Variants in GRIN2C observed in about 807,000 individuals in gnomAD.
The protein encoded by GRIN2C is glutamate receptor ionotropic, NMDA 2C.
Under a neutral mutation model 77.7 loss-of-function variants are expected in GRIN2C, and 64 were observed. That is an observed-to-expected ratio of 0.82 (90% CI 0.67 to 1.01). The LOEUF (loss-of-function observed/expected upper bound fraction) is 1.01. GRIN2C is among the 50% of genes least tolerant of loss of function. The pLI, the probability that GRIN2C is intolerant of heterozygous loss-of-function variation, is 0.00. For synonymous variants in GRIN2C, 792 were observed against 643.4 expected, an observed-to-expected ratio of 1.23 and a Z score of -3.49; for missense variants, 1,549 against 1,486.0, an observed-to-expected ratio of 1.04 and a Z score of -0.70.
chr17:74,859,628 G>C lies in GRIN2C; in HGVS notation c.-16+116C>G, dbSNP rs537889624. The C allele has an allele frequency of 6.6e-6, 1 of 152,200 alleles. No individual in the cohort carries two copies. The highest frequency in any genetic ancestry group is 1.9e-4 in the East Asian group (1 of 5,160). The allele number at this position is 152,200 out of a possible 1,614,324, so 9.4% of individuals were successfully genotyped here. ...CGCCGTTCTAGCTTGCCCCACTGCTGGGGGCACGGAGTTCTTGCTCCTCCA... is the reference window on the plus strand; with the variant it reads ...CGCCGTTCTAGCTTGCCCCACTGCTCGGGGCACGGAGTTCTTGCTCCTCCA... On this transcript the variant is annotated intron_variant, in intron 1 of 12. Transcript: ENST00000293190. This position sits in a 1 kb window ranked among gnomAD's most constrained non-coding sequence, Gnocchi z 5.9.
At chr17:74,858,129 G>T (rs1397427794) in intron 1 of GRIN2C, among the ~76,000 whole-genome samples, 1 of 152,050 alleles carries the variant, frequency 6.6e-6, no homozygotes, top group African/African-American at 2.4e-5. Flanking sequence ...TTTTCTAAAT[G>T]TATTTCTCTT....
Position 74,843,281 on chromosome 17 carries a change from G to C in GRIN2C, c.2856C>G (p.Pro952=). Reference sequence around the variant, plus strand: ...CCCAGCCCGTGGGGCTCGGCTCTGGGGGCGGGTCGGGGGTGGGCAGGCATG... The same window carrying C: ...CCCAGCCCGTGGGGCTCGGCTCTGGCGGCGGGTCGGGGGTGGGCAGGCATG... ...PSPCLPTPDP[P]PEPSPTGWGP... Residue 952 remains proline, a synonymous_variant, in exon 13 of 13, where the codon CCC becomes CCG. Coordinates refer to ENST00000293190, the MANE Select transcript of GRIN2C (RefSeq NM_000835.6). 9.6e-7 allele frequency: 1 copy of C among 1,036,388 alleles called. No homozygotes were observed. The highest frequency in any genetic ancestry group is 1.3e-6 in the Non-Finnish European group (1 of 751,916). 64.2% of individuals were successfully genotyped at this position (1,036,388 alleles called of 1,614,324 possible). A position where few individuals can be genotyped will look rare whatever the true frequency, so the allele number is the denominator to read the frequency against.
Position 74,850,027 on chromosome 17 carries a change from C to G in GRIN2C, c.1492-94G>C, listed in dbSNP as rs1468480563. 7.0e-7 allele frequency: 1 copy of G among 1,423,378 alleles called. No homozygotes were observed. The allele number at this position is 1,423,378 out of a possible 1,614,324, so 88.2% of individuals were successfully genotyped here. On this transcript the variant is annotated intron_variant, in intron 6 of 12. Coordinates refer to ENST00000293190, the MANE Select transcript of GRIN2C (RefSeq NM_000835.6). This position sits in a 1 kb window ranked among gnomAD's most constrained non-coding sequence, Gnocchi z 5.3. ...TCCAGACACCCCTTCTAGCACCCACCAGCTGAGTCAATCATTCCCTCTGGG... is the reference window on the plus strand; with the variant it reads ...TCCAGACACCCCTTCTAGCACCCACGAGCTGAGTCAATCATTCCCTCTGGG...
chr17:74,843,036 C>G lies in GRIN2C; in HGVS notation c.3101G>C (p.Arg1034Pro). 1 of 483,838 alleles carries G rather than the reference C, an allele frequency of 2.1e-6. No individual in the cohort carries two copies. The highest frequency in any genetic ancestry group is 3.2e-5 in the South Asian group (1 of 31,234). The allele number at this position is 483,838 out of a possible 1,614,324, so 30.0% of individuals were successfully genotyped here. A position where few individuals can be genotyped will look rare whatever the true frequency, so the allele number is the denominator to read the frequency against. The change falls in exon 13 of 13, where the codon CGA becomes CCA. Residue 1034 changes from arginine (R) to proline (P), a missense_variant. Around this residue, in one of 3 missense-constraint regions of GRIN2C, gnomAD observed 450 missense variants for 267.9 expected, o/e 1.68. Coordinates refer to ENST00000293190, the MANE Select transcript of GRIN2C (RefSeq NM_000835.6). ...GAAGGGGCGGCCGGATCGGTCGGCTCGAGGAAAGGAGCTGTAGTGACAGCG... is the reference window on the plus strand; with the variant it reads ...GAAGGGGCGGCCGGATCGGTCGGCTGGAGGAAAGGAGCTGTAGTGACAGCG... Reference protein sequence around the residue: ...PARCHYSSFPRADRSGRPFLP... With the variant: ...PARCHYSSFPPADRSGRPFLP...
intron 12 of GRIN2C, 106 bp downstream of exon 12, chr17:74,844,170 G>C: frequency 6.6e-7 from 1 of 1,524,788 alleles, no homozygotes; most frequent in Non-Finnish European, 8.8e-7. Context: ...CATGAGCCGG[G>C]CCAGAACCTT....
At chr17:74,861,450 C>T (rs2037953795), upstream of GRIN2C, 1 of 152,070 alleles carries the variant, frequency 6.6e-6, no homozygotes. Context: ...GCGCTGCGCC[C>T]GCGACGAGAG....
chr17:74,847,003 G>T lies in GRIN2C; in HGVS notation c.2002-83C>A. ...AGCCCCAAACCCACCCCAGAGCCCA[G>T]CCCCAGTGTGGACTTGCATAGTCAG... On this transcript the variant is annotated intron_variant, in intron 9 of 12. Transcript: ENST00000293190. The surrounding 1 kb of genome is among the most constrained non-coding windows in gnomAD (Gnocchi z 5.2). 2 of 1,436,004 alleles carry T rather than the reference G, an allele frequency of 1.4e-6. No homozygotes were observed. Among genetic ancestry groups the T allele is most frequent in the African/African-American group, 1.4e-5 (1 of 71,452 alleles). The allele number at this position is 1,436,004 out of a possible 1,614,324, so 89.0% of individuals were successfully genotyped here.
chr17:74,842,992 G>GCTCCGGGGA lies in GRIN2C; in HGVS notation c.3144_3145insTCCCCGGAG (p.Glu1048_Leu1049insSerProGlu), dbSNP rs1283630023. 1 of 370,302 alleles carries GCTCCGGGGA rather than the reference G, an allele frequency of 2.7e-6. No homozygotes were observed. Among genetic ancestry groups the GCTCCGGGGA allele is most frequent in the Non-Finnish European group, 4.4e-6 (1 of 226,624 alleles). 22.9% of individuals were successfully genotyped at this position (370,302 alleles called of 1,614,324 possible). A position where few individuals can be genotyped will look rare whatever the true frequency, so the allele number is the denominator to read the frequency against. On this transcript the variant is annotated inframe_insertion, in exon 13 of 13. Coordinates refer to ENST00000293190, the MANE Select transcript of GRIN2C (RefSeq NM_000835.6). ...GGACCGAGCAGCGGCAGGTCCTCCA[G>GCTCCGGGGA]CTCCGGGAAGAGCGGGAGGAAGGGG...
rs2037555626 is a variant in GRIN2C at position 74,849,225 on chromosome 17, T to C, written c.1645+555A>G. ...AGGGCAGAGCCGGGGTTTCCACTCC[T>C]GTCTGGCCAGCCTCAGCTCTTCCCC... On this transcript the variant is annotated intron_variant, in intron 7 of 12. Coordinates refer to ENST00000293190, the MANE Select transcript of GRIN2C (RefSeq NM_000835.6). This position sits in a 1 kb window ranked among gnomAD's most constrained non-coding sequence, Gnocchi z 4.6. Among the ~76,000 whole-genome samples, 1 of 152,038 alleles carries C rather than the reference T, an allele frequency of 6.6e-6. No homozygotes were observed. Among genetic ancestry groups the C allele is most frequent in the South Asian group, 2.1e-4 (1 of 4,812 alleles).
At position 74,851,666 on chromosome 17, in the gene GRIN2C, C is replaced by T; in HGVS notation, c.1024G>A (p.Gly342Ser). 6.4e-7 allele frequency: 1 copy of T among 1,570,510 alleles called. No homozygotes were observed. Among genetic ancestry groups the T allele is most frequent in the Non-Finnish European group, 8.6e-7 (1 of 1,157,298 alleles). The change falls in exon 4 of 13, where the codon GGC becomes AGC. Residue 342 changes from glycine (G) to serine (S), a missense_variant. Transcript: ENST00000293190. ...CCAGGGCTGAAGGAGAAGTCTCGGCCCTCCCAGGTGACATTCAGTAGGTGC... is the reference window on the plus strand; with the variant it reads ...CCAGGGCTGAAGGAGAAGTCTCGGCTCTCCCAGGTGACATTCAGTAGGTGC... ...YRHLLNVTWE[G>S]RDFSFSPGGY... is the part of the protein sequence containing the mutation.
rs1404817801 is a variant in GRIN2C, at chr17:74,842,463, C to T, written c.3674G>A (p.Arg1225Gln). ...CACTTCTGACTCCAGACTGGAGATC[C>T]GTCTCCAGGTGCAGGGTCCCGGGAA... is the stretch of plus-strand genomic sequence containing the variant. ...QGFPGPCTWR[R>Q]ISSLESEV Residue 1225 changes from arginine (R) to glutamine (Q), a missense_variant, in exon 13 of 13, where the codon CGG becomes CAG. By Grantham distance (43) the Arg-to-Gln change is conservative (BLOSUM62 1). Coordinates refer to ENST00000293190, the MANE Select transcript of GRIN2C (RefSeq NM_000835.6). 3.9e-6 allele frequency: 3 copies of T among 775,708 alleles called. No individual in the cohort carries two copies. The allele number at this position is 775,708 out of a possible 1,614,324, so 48.1% of individuals were successfully genotyped here.
chr17:74,851,899 G>A, intron 3 of GRIN2C, 114 bp downstream of exon 3: 1 of 800,290 alleles, frequency 1.2e-6, no homozygotes, highest in Non-Finnish European at 1.9e-6. Flanking sequence ...GGGTAATGTG[G>A]CCCCAGGCAC....
chr17:74,850,685 T>A lies in GRIN2C; in HGVS notation c.1196A>T (p.Asp399Val). ...RYSASLQPVVDSRHLTVATLE... is the reference protein window; with the variant it reads ...RYSASLQPVVVSRHLTVATLE... ...CGTGGCCACCGTCAGGTGCCGACTGTCCACCACAGGCTGCAGAGAGGCACT... is the reference window on the plus strand; with the variant it reads ...CGTGGCCACCGTCAGGTGCCGACTGACCACCACAGGCTGCAGAGAGGCACT... Residue 399 changes from aspartate to valine, a missense_variant, in exon 5 of 13, where the codon GAC (aspartate) becomes GTC (valine). Physicochemically the swap from Asp to Val is radical, Grantham distance 152. Around this residue, in one of 3 missense-constraint regions of GRIN2C, gnomAD observed 717 missense variants for 858.1 expected, o/e 0.84. Coordinates refer to ENST00000293190, the MANE Select transcript of GRIN2C (RefSeq NM_000835.6). This position sits in a 1 kb window ranked among gnomAD's most constrained non-coding sequence, Gnocchi z 5.3. 3 of 1,613,638 alleles carry A rather than the reference T, an allele frequency of 1.9e-6. No homozygotes were observed. Among genetic ancestry groups the A allele is most frequent in the Non-Finnish European group, 2.5e-6 (3 of 1,179,982 alleles).
chr17:74,847,285 C>CCCCCCG lies in GRIN2C; in HGVS notation c.2001+22_2001+23insCGGGGG. The CCCCCCG allele has an allele frequency of 7.6e-7, 1 of 1,320,738 alleles. No homozygotes were observed. The highest frequency in any genetic ancestry group is 1.1e-6 in the Non-Finnish European group (1 of 916,418). The allele number at this position is 1,320,738 out of a possible 1,614,324, so 81.8% of individuals were successfully genotyped here. A position where few individuals can be genotyped will look rare whatever the true frequency, so the allele number is the denominator to read the frequency against. ...CCCACCCTCAGTGCCCCCCCCCACCCCCAGCAGCTATGGCCCCACAACCTT... is the reference window on the plus strand; with the variant it reads ...CCCACCCTCAGTGCCCCCCCCCACCCCCCCCGCCAGCAGCTATGGCCCCACAACCTT... On this transcript the variant is annotated intron_variant, in intron 9 of 12. Transcript: ENST00000293190. This position sits in a 1 kb window ranked among gnomAD's most constrained non-coding sequence, Gnocchi z 5.2.
chr17:74,851,336 C>T (rs193222551), intron 4 of GRIN2C: 8 of 486,054 alleles, frequency 1.6e-5, no homozygotes, highest in East Asian at 6.6e-5. Flanking sequence ...GAGATAGGAG[C>T]GCTTGAAATG....
Position 74,852,458 on chromosome 17 carries a change from C to T in GRIN2C, c.553G>A (p.Val185Ile). The change falls in exon 3 of 13, where the codon GTC becomes ATC. Residue 185 changes from valine to isoleucine, a missense_variant. By Grantham distance (29) the Val-to-Ile change is conservative (BLOSUM62 3). Transcript: ENST00000293190. Reference sequence around the variant, plus strand: ...CAACTCACGTGGCTGGCGTCGGCGACGGCGCGCACGCCCTCCAGGAAGAGC... The same window carrying T: ...CAACTCACGTGGCTGGCGTCGGCGATGGCGCGCACGCCCTCCAGGAAGAGC... ...HALFLEGVRA[V>I]ADASHVSWRL... is the part of the protein sequence containing the mutation. 2 of 1,549,336 alleles carry T rather than the reference C, an allele frequency of 1.3e-6. No homozygotes were observed. Among genetic ancestry groups the T allele is most frequent in the Non-Finnish European group, 8.6e-7 (1 of 1,157,964 alleles).
chr17:74,842,882 G>T lies in GRIN2C; in HGVS notation c.3255C>A (p.Ser1085=). 1 of 560,418 alleles carries T rather than the reference G, an allele frequency of 1.8e-6. No homozygotes were observed. The highest frequency in any genetic ancestry group is 2.0e-5 in the African/African-American group (1 of 49,798). The allele number at this position is 560,418 out of a possible 1,614,324, so 34.7% of individuals were successfully genotyped here. Residue 1085 remains serine, a synonymous_variant, in exon 13 of 13, where the codon TCC becomes TCA. Coordinates refer to ENST00000293190, the MANE Select transcript of GRIN2C (RefSeq NM_000835.6). ...SRPRHASLPS[S]VAEAFARPSS... Reference sequence around the variant, plus strand: ...TGGGCCGAGCGAAGGCCTCGGCCACGGAGCTGGGCAGGGAAGCGTGACGCG... The same window carrying T: ...TGGGCCGAGCGAAGGCCTCGGCCACTGAGCTGGGCAGGGAAGCGTGACGCG...
chr17:74,851,872 T>C, intron 3 of GRIN2C, 141 bp downstream of exon 3: 1 of 718,438 alleles, frequency 1.4e-6, no homozygotes, highest in Non-Finnish European at 2.3e-6. Context: ...ATGAGGACAC[T>C]AAGGCCCAGA....
chr17:74,851,736 A>AC, intron 3 of GRIN2C, 45 bp from the exon 4 acceptor site: 1 of 1,229,840 alleles, frequency 8.1e-7, no homozygotes, highest in Non-Finnish European at 1.2e-6. Flanking sequence ...AGGACCAGGC[A>AC]CCCCCTGCCT....
Sources: gnomAD v4.1 joint callset for allele counts (sites outside exome capture counted in the v4.1 genomes callset) on GRCh38, gnomAD v4.1.1 for gene constraint, gnomAD v4.1.1 regional missense constraint, Gnocchi (gnomAD v3.1) non-coding constraint, MANE v1.5 for transcripts, NCBI Gene and HGNC (gene_info 2026-07-23, HGNC 2026-07-21) for gene names.